EPHA4: variants seen among roughly 807,000 people sequenced by gnomAD.
EPHA4 encodes the protein ephrin type-A receptor 4.
A neutral mutation model predicts 108.3 loss-of-function variants in EPHA4; 19 were observed. That is an observed-to-expected ratio of 0.18 (90% CI 0.12 to 0.26). EPHA4 has a LOEUF of 0.26. Ranked by LOEUF, EPHA4 falls within the 10% of genes least tolerant of loss-of-function variation. The probability of loss-of-function intolerance (pLI) is 1.00; values close to 1 mark genes in which losing one functional copy is unlikely to be tolerated. For missense variants in EPHA4, 917 were observed against 1,254.0 expected (o/e 0.73, Z 4.06); for synonymous variants, 449 against 455.5 (o/e 0.99, Z 0.18).
chr2:221,453,906 G>A (rs555158875), intron 8 of EPHA4, among the ~76,000 whole-genome samples: 2 of 152,294 alleles, frequency 1.3e-5, no homozygotes, highest in South Asian at 4.2e-4. Context: ...GCCGGACATG[G>A]TGGCTCATGC....
At chr2:221,540,844 A>T (rs1451511341) in intron 3 of EPHA4, among the ~76,000 whole-genome samples, 7 of 151,618 alleles carry the variant, frequency 4.6e-5, no homozygotes, top group African/African-American at 1.7e-4. Flanking sequence ...CAACAGAGGG[A>T]GATGGGAAGA....
At chr2:221,437,173 A>G (rs537170799) in intron 11 of EPHA4, 51 bp from the exon 12 acceptor site, 7 of 1,384,352 alleles carry the variant, frequency 5.1e-6, no homozygotes, top group South Asian at 1.2e-5. Context: ...GCTGCACTTA[A>G]TGAGATAAAA....
At position 221,568,326 on chromosome 2, in the gene EPHA4, C is replaced by CT. The variant is rs67512379; in HGVS notation, c.159+391dup. On this transcript the variant is annotated intron_variant, in intron 2 of 17. Transcript: ENST00000281821. ...CTTCTCTCTCATATCTTTATTTATT[C>CT]TTTTTTTTTCATCTGGAAGCAGGAC... 1.1e-4 allele frequency among the ~76,000 whole-genome samples: 17 copies of CT among 151,456 alleles called. 1 individual carries two copies. In the East Asian group the frequency reaches 1.2e-3, roughly 10 times the overall value.
chr2:221,533,278 T>C (rs1044576357), intron 3 of EPHA4, among the ~76,000 whole-genome samples: 2 of 152,198 alleles, frequency 1.3e-5, no homozygotes, highest in Non-Finnish European at 2.9e-5. Context: ...CAAAATGTGT[T>C]ACAGCCTACC....
At chr2:221,454,396 G>C (rs1246966216) in intron 8 of EPHA4, among the ~76,000 whole-genome samples, 2 of 152,178 alleles carry the variant, frequency 1.3e-5, no homozygotes, top group African/African-American at 4.8e-5. Flanking sequence ...ACTGGCCTGA[G>C]GGCCAAGCAC....
At chr2:221,570,537 G>A (rs1481553392) in intron 1 of EPHA4, among the ~76,000 whole-genome samples, 1 of 152,044 alleles carries the variant, frequency 6.6e-6, no homozygotes, top group African/African-American at 2.4e-5. Flanking sequence ...GGAAGGAGAT[G>A]GGAGATCCAG....
chr2:221,530,943 G>T (rs1289297184), intron 3 of EPHA4, among the ~76,000 whole-genome samples: 1 of 152,098 alleles, frequency 6.6e-6, no homozygotes, highest in African/African-American at 2.4e-5. Flanking sequence ...GCTCTAAGTG[G>T]CTGAGGACAG....
intron 5 of EPHA4, among the ~76,000 whole-genome samples, chr2:221,459,916 G>C (rs1332081137): frequency 6.6e-6 from 1 of 152,200 alleles, no homozygotes; most frequent in African/African-American, 2.4e-5. Context: ...ATAATCGACA[G>C]ATTCCTTGAG....
intron 2 of EPHA4, among the ~76,000 whole-genome samples, chr2:221,566,935 A>AGGAAG (rs1694673341): frequency 1.6e-5 from 1 of 64,278 alleles, no homozygotes; most frequent in Non-Finnish European, 2.8e-5. Context: ...GGAGAAGGAG[A>AGGAAG]AGGAGAAGGA....
intron 8 of EPHA4, among the ~76,000 whole-genome samples, chr2:221,451,986 C>T (rs982790274): frequency 6.6e-6 from 1 of 152,170 alleles, no homozygotes; most frequent in African/African-American, 2.4e-5. Context: ...ATAAATGAAA[C>T]AATTGCTATA....
At chr2:221,546,417 C>G (rs1693999725) in intron 3 of EPHA4, among the ~76,000 whole-genome samples, 1 of 152,068 alleles carries the variant, frequency 6.6e-6, no homozygotes, top group Non-Finnish European at 1.5e-5. Context: ...AAGCACCAGT[C>G]TTTAATATTT....
chr2:221,563,928 C>A lies in EPHA4; in HGVS notation c.626G>T (p.Arg209Leu), dbSNP rs759721341. ...GGTGTCAGGAAACTGGGCCAGATTG[C>A]GGACTGTGAGTGGACACTTTTTATA... ...VFYKKCPLTV[R>L]NLAQFPDTIT... Residue 209 changes from arginine to leucine, a missense_variant, in exon 3 of 18, where the codon CGC becomes CTC. Arg to Leu is a moderately radical substitution (Grantham distance 102, BLOSUM62 -2). Coordinates refer to ENST00000281821, the MANE Select transcript of EPHA4 (RefSeq NM_004438.5). 9.9e-6 allele frequency: 16 copies of A among 1,614,042 alleles called. No homozygotes were observed. The highest frequency in any genetic ancestry group is 2.2e-5 in the East Asian group (1 of 44,886).
intron 4 of EPHA4, among the ~76,000 whole-genome samples, chr2:221,483,146 A>G (rs1691881260): frequency 6.6e-6 from 1 of 152,234 alleles, no homozygotes; most frequent in Non-Finnish European, 1.5e-5. Flanking sequence ...TCAATAGCAA[A>G]TAAAATTAAC....
chr2:221,437,755 T>TA (rs1166697391), intron 11 of EPHA4, among the ~76,000 whole-genome samples: 1 of 79,684 alleles, frequency 1.3e-5, no homozygotes. Flanking sequence ...CTACTAAAAA[T>TA]ACAAAAAAAA....
At chr2:221,541,727 G>A (rs1693845067) in intron 3 of EPHA4, among the ~76,000 whole-genome samples, 1 of 152,184 alleles carries the variant, frequency 6.6e-6, no homozygotes, top group South Asian at 2.1e-4. Flanking sequence ...TGGACCAGCA[G>A]TAGAGAGGAA....
chr2:221,464,651 T>C (rs1273217145), intron 5 of EPHA4, among the ~76,000 whole-genome samples: 1 of 152,206 alleles, frequency 6.6e-6, no homozygotes, highest in Non-Finnish European at 1.5e-5. Context: ...ACACATGATT[T>C]TGTTTGCGGT....
At chr2:221,430,200 T>C (rs372370270) in intron 14 of EPHA4, 49 bp from the exon 15 acceptor site, 103 of 1,540,670 alleles carry the variant, frequency 6.7e-5, no homozygotes, top group Admixed American at 2.5e-4. Flanking sequence ...CAAGCTGCTG[T>C]TCAAGGTTCA....
At chr2:221,488,874 A>G (rs1424389713) in intron 4 of EPHA4, among the ~76,000 whole-genome samples, 1 of 152,256 alleles carries the variant, frequency 6.6e-6, no homozygotes. Context: ...AGAAAATTCC[A>G]GTAATTCCAC....
At chr2:221,503,292 C>T (rs187068490) in intron 3 of EPHA4, among the ~76,000 whole-genome samples, 19 of 152,258 alleles carry the variant, frequency 1.2e-4, no homozygotes, top group South Asian at 4.1e-4. Flanking sequence ...GCATCAAAAA[C>T]GAAAAACTCA....
Sources: gnomAD v4.1 joint callset for allele counts (sites outside exome capture counted in the v4.1 genomes callset) on GRCh38, gnomAD v4.1.1 for gene constraint, MANE v1.5 for transcripts, NCBI Gene and HGNC (gene_info 2026-07-23, HGNC 2026-07-21) for gene names.